KIF23: variants seen among roughly 807,000 people sequenced by gnomAD.
KIF23 encodes kinesin family member 23.
Under a neutral mutation model 137.5 loss-of-function variants are expected in KIF23, and 30 were observed. The ratio of observed to expected loss-of-function variants is 0.22; its 90% confidence interval spans 0.16 to 0.30. The LOEUF (loss-of-function observed/expected upper bound fraction) is 0.30, where lower values mean the gene tolerates loss of function less well. Ranked by LOEUF, KIF23 falls within the 10% of genes least tolerant of loss-of-function variation. The pLI is 1.00. For synonymous variants in KIF23, 367 were observed against 391.1 expected (o/e 0.94, Z 0.73); for missense variants, 920 against 1,194.3 (o/e 0.77, Z 3.38).
At position 69,414,358 on chromosome 15, in the gene KIF23, C is replaced by T. The variant is rs941388535; in HGVS notation, c.-108C>T. On this transcript the variant is annotated 5_prime_UTR_variant, in exon 1 of 24. Transcript: ENST00000679126. ...CGTCGCCGCCGGCTTCGCAGAGCACCGCGCCTTAGCCGCGAAGTTCTAGTT... is the reference window on the plus strand; with the variant it reads ...CGTCGCCGCCGGCTTCGCAGAGCACTGCGCCTTAGCCGCGAAGTTCTAGTT... 6 of 1,482,778 alleles carry T rather than the reference C, an allele frequency of 4.0e-6. No individual in the cohort carries two copies. Among genetic ancestry groups the T allele is most frequent in the African/African-American group, 1.4e-5 (1 of 70,880 alleles). The allele number at this position is 1,482,778 out of a possible 1,614,324, so 91.9% of individuals were successfully genotyped here.
At chr15:69,441,957 T>G (rs2057631808) in intron 19 of KIF23, among the ~76,000 whole-genome samples, 1 of 152,014 alleles carries the variant, frequency 6.6e-6, no homozygotes, top group South Asian at 2.1e-4. Flanking sequence ...AGACAAGGTC[T>G]CACCATGTTG....
chr15:69,441,961 C>T (rs2057631929), intron 19 of KIF23, among the ~76,000 whole-genome samples: 1 of 151,924 alleles, frequency 6.6e-6, no homozygotes, highest in Non-Finnish European at 1.5e-5. Context: ...AAGGTCTCAC[C>T]ATGTTGCCCA....
chr15:69,432,532 CTT>C (rs56413721), intron 11 of KIF23, among the ~76,000 whole-genome samples: 7 of 144,948 alleles, frequency 4.8e-5, no homozygotes, highest in Admixed American at 2.8e-4. Flanking sequence ...AAACAAGTAG[CTT>C]TTTTTTTTTT....
At position 69,444,592 on chromosome 15, in the gene KIF23, GA is replaced by G; in HGVS notation, c.2422-196del. 1 of 565,080 alleles carries G rather than the reference GA, an allele frequency of 1.8e-6. No homozygotes were observed. Among genetic ancestry groups the G allele is most frequent in the Non-Finnish European group, 3.0e-6 (1 of 329,692 alleles). 35.0% of individuals were successfully genotyped at this position (565,080 alleles called of 1,614,324 possible). On this transcript the variant is annotated intron_variant, in intron 19 of 23. Coordinates refer to ENST00000679126, the MANE Select transcript of KIF23 (RefSeq NM_001367805.3). This position sits in a 1 kb window ranked among gnomAD's most constrained non-coding sequence, Gnocchi z 4.2. ...TTATTGAAAGGGAAACTCCCAGATAGAATGTGTAACATACAAGTTGGTGTTA... is the reference window on the plus strand; with the variant it reads ...TTATTGAAAGGGAAACTCCCAGATAGATGTGTAACATACAAGTTGGTGTTA...
chr15:69,448,213 A>G lies in KIF23; in HGVS notation c.*406A>G, dbSNP rs1006131762. On this transcript the variant is annotated 3_prime_UTR_variant, in exon 24 of 24. Transcript: ENST00000679126. ...TTGTGACTTCTCCAGCCCTGGTCTG[A>G]ATTTCTTAAGGTTTTATAAACAAAT... is the stretch of plus-strand genomic sequence containing the variant. The G allele has an allele frequency of 6.5e-6, 1 of 154,388 alleles. No individual in the cohort carries two copies. The highest frequency in any genetic ancestry group is 2.4e-5 in the African/African-American group (1 of 41,540). The allele number at this position is 154,388 out of a possible 1,614,324, so 9.6% of individuals were successfully genotyped here. A position where few individuals can be genotyped will look rare whatever the true frequency, so the allele number is the denominator to read the frequency against.
rs2057705153 is a variant in KIF23, at chr15:69,444,717, A to G, written c.2422-73A>G. On this transcript the variant is annotated intron_variant, in intron 19 of 23. Transcript: ENST00000679126. The surrounding 1 kb of genome is among the most constrained non-coding windows in gnomAD (Gnocchi z 4.2). ...AAAGGTTTGCTATGATACTGTCATC[A>G]ACTAATGTAGCCAAACCTGCTGCAC... 6.8e-7 allele frequency: 1 copy of G among 1,478,780 alleles called. No individual in the cohort carries two copies. Among genetic ancestry groups the G allele is most frequent in the South Asian group, 1.2e-5 (1 of 81,058 alleles). The allele number at this position is 1,478,780 out of a possible 1,614,324, so 91.6% of individuals were successfully genotyped here.
At chr15:69,414,517 G>A in intron 1 of KIF23, 41 bp downstream of exon 1, 1 of 1,545,936 alleles carries the variant, frequency 6.5e-7, no homozygotes, top group East Asian at 2.4e-5. Context: ...GGGCGGACGG[G>A]GGCCGAGGCC....
Position 69,429,349 on chromosome 15 carries a change from G to C in KIF23, c.1114+136G>C, listed in dbSNP as rs993759279. 5 of 634,392 alleles carry C rather than the reference G, an allele frequency of 7.9e-6. No individual in the cohort carries two copies. The Admixed American group carries it at 1.5e-4, about 18-fold the overall frequency. 39.3% of individuals were successfully genotyped at this position (634,392 alleles called of 1,614,324 possible). A position where few individuals can be genotyped will look rare whatever the true frequency, so the allele number is the denominator to read the frequency against. On this transcript the variant is annotated intron_variant, in intron 11 of 23. Coordinates refer to ENST00000679126, the MANE Select transcript of KIF23 (RefSeq NM_001367805.3). ...TGAGACGGTCTTACTCTGTTACCCA[G>C]GATGGAATGCAGTGGTGTGATCATG...
At chr15:69,420,649 C>T (rs993971220) in intron 3 of KIF23, among the ~76,000 whole-genome samples, 1 of 152,148 alleles carries the variant, frequency 6.6e-6, no homozygotes, top group South Asian at 2.1e-4. Flanking sequence ...TACATCAAAA[C>T]GTGGTATTAT....
At position 69,414,452 on chromosome 15, in the gene KIF23, T is replaced by A. The variant is rs779104981; in HGVS notation, c.-14T>A. ...GTCCCGCATGCGCGTTTGGGCGGCG[T>A]GGAGCCTGCTGCCATGAAGTCAGCG... On this transcript the variant is annotated 5_prime_UTR_variant, in exon 1 of 24. Transcript: ENST00000679126. The A allele has an allele frequency of 1.9e-6, 3 of 1,587,402 alleles. No homozygotes were observed. The highest frequency in any genetic ancestry group is 2.6e-6 in the Non-Finnish European group (3 of 1,167,364).
chr15:69,435,382 T>C, intron 11 of KIF23, 101 bp from the exon 12 acceptor site: 1 of 860,822 alleles, frequency 1.2e-6, no homozygotes, highest in Non-Finnish European at 1.8e-6. Flanking sequence ...ATAATTTCTA[T>C]CTAGTAGTTG....
Position 69,424,297 on chromosome 15 carries a change from A to G in KIF23, c.734+968A>G, listed in dbSNP as rs912784314. On this transcript the variant is annotated intron_variant, in intron 7 of 23. Transcript: ENST00000679126. ...CGTTTATTGGGAAAACAATTACAAT[A>G]TGGCTAAGTAAGCTAAATGTAAAAA... Among the ~76,000 whole-genome samples, 3 of 152,218 alleles carry G rather than the reference A, an allele frequency of 2.0e-5. No homozygotes were observed. The East Asian group carries it at 5.8e-4, about 29-fold the overall frequency.
intron 1 of KIF23, among the ~76,000 whole-genome samples, chr15:69,415,535 A>G (rs1392567197): frequency 6.6e-6 from 1 of 152,202 alleles, no homozygotes; most frequent in African/African-American, 2.4e-5. Flanking sequence ...TTGGAGACAA[A>G]GAGTAATGTT....
chr15:69,445,227 T>A (rs2057715171), intron 20 of KIF23, among the ~76,000 whole-genome samples, 186 bp downstream of exon 20: 1 of 152,212 alleles, frequency 6.6e-6, no homozygotes, highest in African/African-American at 2.4e-5. Context: ...AAACTGGGAC[T>A]AAGTATGCTT....
In KIF23 at chr15:69,447,868, T is replaced by C; in HGVS notation, c.*61T>C. ...TGTGTGGATGATTTCTCGAAAGCCA[T>C]GCCAGAAGCAGTCTTCCAGGTCATC... On this transcript the variant is annotated 3_prime_UTR_variant, in exon 24 of 24. Transcript: ENST00000679126. 1 of 1,561,816 alleles carries C rather than the reference T, an allele frequency of 6.4e-7. No homozygotes were observed. The highest frequency in any genetic ancestry group is 1.1e-5 in the South Asian group (1 of 88,470).
rs1281448293 is a variant in KIF23 at position 69,447,809 on chromosome 15, C to A, written c.*2C>A. ...TGTTTTAGGCGCAAAAAGCCATGAA[C>A]TGACAGTCCCAGTACTGAAAGAACA... On this transcript the variant is annotated 3_prime_UTR_variant, in exon 24 of 24. Coordinates refer to ENST00000679126, the MANE Select transcript of KIF23 (RefSeq NM_001367805.3). The A allele has an allele frequency of 3.7e-6, 6 of 1,609,550 alleles. No individual in the cohort carries two copies. The highest frequency in any genetic ancestry group is 1.7e-5 in the Admixed American group (1 of 59,894).
intron 15 of KIF23, 120 bp downstream of exon 15, chr15:69,436,842 C>T: frequency 3.6e-6 from 2 of 557,374 alleles, no homozygotes; most frequent in Admixed American, 7.4e-5. Context: ...GCAACCTCCG[C>T]CTCCTGGGTT....
intron 11 of KIF23, among the ~76,000 whole-genome samples, chr15:69,429,808 C>T (rs1032971220): frequency 6.6e-6 from 1 of 151,972 alleles, no homozygotes; most frequent in Admixed American, 6.6e-5. Context: ...ATCACTTGAG[C>T]CCAGGAGTTC....
At chr15:69,426,715 G>A (rs1454124094) in intron 10 of KIF23, 1 of 366,820 alleles carries the variant, frequency 2.7e-6, no homozygotes, top group Middle Eastern at 7.6e-4. Context: ...GTGAGACCCT[G>A]TCTTGAAAAA....
Sources: gnomAD v4.1 joint callset for allele counts (sites outside exome capture counted in the v4.1 genomes callset) on GRCh38, gnomAD v4.1.1 for gene constraint, Gnocchi (gnomAD v3.1) non-coding constraint, MANE v1.5 for transcripts, NCBI Gene and HGNC (gene_info 2026-07-23, HGNC 2026-07-21) for gene names.